The following ATXN8OS variants were observed in gnomAD, a reference collection of about 807,000 sequenced individuals.
The protein encoded by ATXN8OS is ATXN8 opposite strand (non-protein coding).
In ATXN8OS at chr13:70,166,538, G is replaced by A. The variant is rs1041006086; in HGVS notation, n.574-3215G>A. Among the ~76,000 whole-genome samples the A allele has an allele frequency of 3.3e-5, 5 of 151,448 alleles. No individual in the cohort carries two copies. In the South Asian group the frequency reaches 8.3e-4, roughly 25 times the overall value. ...TTCAAGATGGATTAAAGACTTAAAT[G>A]TTAGACCTAAAACCATAAAAACCCT... On this transcript the variant is annotated intron_variant and non_coding_transcript_variant, in intron 4 of 4. Transcript: ENST00000678624.
chr13:70,156,676 T>C lies in ATXN8OS; in HGVS notation n.573+9248T>C, dbSNP rs1434322423. Among the ~76,000 whole-genome samples the C allele has an allele frequency of 2.0e-5, 3 of 152,150 alleles. 1 individual carries two copies. The highest frequency in any genetic ancestry group is 4.4e-5 in the Non-Finnish European group (3 of 68,020). ...TTCTGAAGAAGTGACAAATTCAAGC[T>C]TTGTTATAATGTTTTCTATGAGAAG... On this transcript the variant is annotated intron_variant and non_coding_transcript_variant, in intron 4 of 4. Transcript: ENST00000678624.
intron 2 of ATXN8OS, among the ~76,000 whole-genome samples, chr13:70,129,087 T>C (rs1461302792): frequency 1.3e-5 from 2 of 152,100 alleles, no homozygotes; most frequent in African/African-American, 4.8e-5. Context: ...CACAAACTCC[T>C]GACCTCAGAC....
At chr13:70,119,769 G>T (rs920798881) in intron 2 of ATXN8OS, among the ~76,000 whole-genome samples, 1 of 151,944 alleles carries the variant, frequency 6.6e-6, no homozygotes, top group East Asian at 1.9e-4. Context: ...AAACCTTTTT[G>T]TCATGCTCAA....
intron 2 of ATXN8OS, among the ~76,000 whole-genome samples, chr13:70,116,633 T>C (rs1192008519): frequency 2.0e-5 from 3 of 152,114 alleles, no homozygotes; most frequent in Admixed American, 2.0e-4. Context: ...TTATTCTGAA[T>C]GAGATGGAAA....
At chr13:70,120,619 C>T (rs1470675093) in intron 2 of ATXN8OS, among the ~76,000 whole-genome samples, 3 of 152,016 alleles carry the variant, frequency 2.0e-5, no homozygotes, top group Non-Finnish European at 4.4e-5. Flanking sequence ...AAGAACTAAA[C>T]AATAAAAATA....
chr13:70,169,086 A>G (rs1007719668), intron 4 of ATXN8OS, among the ~76,000 whole-genome samples: 1 of 152,100 alleles, frequency 6.6e-6, no homozygotes, highest in African/African-American at 2.4e-5. Flanking sequence ...TAGACTAGAT[A>G]ATGCAGATGG....
intron 1 of ATXN8OS, among the ~76,000 whole-genome samples, chr13:70,112,921 T>TATATATA (rs71116991): frequency 0.055 from 2,867 of 51,858 alleles, 59 homozygotes; most frequent in East Asian, 0.12. Context: ...ATATATATAA[T>TATATATA]TTTTTTTTTT....
chr13:70,137,967 G>T (rs780945323), intron 3 of ATXN8OS, among the ~76,000 whole-genome samples: 1 of 152,156 alleles, frequency 6.6e-6, no homozygotes, highest in Non-Finnish European at 1.5e-5. Context: ...GTGGAGCAGG[G>T]GATAGAGAGA....
intron 3 of ATXN8OS, among the ~76,000 whole-genome samples, chr13:70,132,480 A>G (rs1015870751): frequency 6.6e-6 from 1 of 151,904 alleles, no homozygotes; most frequent in African/African-American, 2.4e-5. Context: ...GAAGGGATGG[A>G]TTAAAAGGGC....
At position 70,164,724 on chromosome 13, in the gene ATXN8OS, A is replaced by G. The variant is rs1008613706; in HGVS notation, n.574-5029A>G. The stretch of plus-strand genomic sequence containing the variant: ...ATTGGGAATGAAAAATTGGCAAGAC[A>G]TTATAATGAAACACCAGTTTCCTTT... On this transcript the variant is annotated intron_variant and non_coding_transcript_variant, in intron 4 of 4. Transcript: ENST00000678624. Among the ~76,000 whole-genome samples, 3 of 152,166 alleles carry G rather than the reference A, an allele frequency of 2.0e-5. 1 individual carries two copies. Among genetic ancestry groups the G allele is most frequent in the Non-Finnish European group, 2.9e-5 (2 of 67,912 alleles).
rs561088045 is a variant in ATXN8OS at position 70,139,445 on chromosome 13, ATTATC to A, written n.500-7905_500-7901del. ...CTGCTGCTGCATTTTTTAAAAATAT[ATTATC>A]TTATTTTACTATTTGATGTTATAAT... On this transcript the variant is annotated intron_variant and non_coding_transcript_variant, in intron 3 of 4. Coordinates refer to ENST00000678624, the Ensembl canonical transcript of ATXN8OS. 219 of 695,272 alleles carry A rather than the reference ATTATC, an allele frequency of 3.1e-4. No homozygotes were observed. The African/African-American group carries it at 3.7e-3, about 12-fold the overall frequency. 43.1% of individuals were successfully genotyped at this position (695,272 alleles called of 1,614,324 possible).
At chr13:70,108,357 T>C (rs981247922) in intron 1 of ATXN8OS, 1 of 236,034 alleles carries the variant, frequency 4.2e-6, no homozygotes, top group Non-Finnish European at 8.1e-6. Context: ...TGGTTTTATA[T>C]AGTCAGTTTG....
At chr13:70,119,538 G>C (rs182917522) in intron 2 of ATXN8OS, among the ~76,000 whole-genome samples, 176 of 152,072 alleles carry the variant, frequency 1.2e-3, no homozygotes, top group African/African-American at 3.7e-3. Flanking sequence ...AAATGATATC[G>C]TGTGTATACA....
intron 4 of ATXN8OS, among the ~76,000 whole-genome samples, chr13:70,169,008 T>G (rs1211512115): frequency 1.3e-5 from 2 of 152,120 alleles, no homozygotes; most frequent in African/African-American, 4.8e-5. Flanking sequence ...CTGATGCTTA[T>G]TTTTCTAATG....
At chr13:70,153,840 T>A (rs1342865431) in intron 4 of ATXN8OS, among the ~76,000 whole-genome samples, 1 of 152,098 alleles carries the variant, frequency 6.6e-6, no homozygotes, top group East Asian at 2.0e-4. Flanking sequence ...CCACTACACC[T>A]GTCCAATTTT....
At chr13:70,128,102 G>T (rs575983937) in intron 2 of ATXN8OS, among the ~76,000 whole-genome samples, 2 of 151,880 alleles carry the variant, frequency 1.3e-5, no homozygotes, top group Admixed American at 1.3e-4. Flanking sequence ...TTTATAGAAG[G>T]TTTACATTAA....
intron 4 of ATXN8OS, among the ~76,000 whole-genome samples, chr13:70,152,383 A>G (rs1034269669): frequency 4.6e-5 from 7 of 152,040 alleles, no homozygotes; most frequent in Middle Eastern, 3.5e-3. Flanking sequence ...ATATGTATAC[A>G]TATATATACA....
chr13:70,120,513 TACTGAAC>T (rs1888344153), intron 2 of ATXN8OS, among the ~76,000 whole-genome samples: 1 of 152,172 alleles, frequency 6.6e-6, no homozygotes, highest in Non-Finnish European at 1.5e-5. Flanking sequence ...AACAAGTATT[TACTGAAC>T]ACTTGCTTTA....
chr13:70,143,854 G>A (rs1211233062), intron 3 of ATXN8OS, among the ~76,000 whole-genome samples: 1 of 152,066 alleles, frequency 6.6e-6, no homozygotes, highest in Non-Finnish European at 1.5e-5. Context: ...TTCACAAAGT[G>A]TGTTGACATG....
Sources: allele counts gnomAD v4.1 joint callset (sites outside exome capture counted in the v4.1 genomes callset), GRCh38; gene constraint gnomAD v4.1.1; transcripts MANE v1.5; gene names NCBI Gene and HGNC (gene_info 2026-07-23, HGNC 2026-07-21).